SHB: variants seen among roughly 807,000 people sequenced by gnomAD.
The protein encoded by SHB is SH2 domain containing adaptor protein B, also known as SH2 domain-containing adapter protein B.
SHB carries 20 observed loss-of-function variants against 52.3 expected under a neutral mutation model. That is an observed-to-expected ratio of 0.38 (90% CI 0.27 to 0.56). The LOEUF (loss-of-function observed/expected upper bound fraction) is 0.56. Among genes scored for constraint, SHB ranks in the 20% least tolerant of loss-of-function variants. The probability of loss-of-function intolerance (pLI) is 0.71; values close to 1 mark genes in which losing one functional copy is unlikely to be tolerated. For synonymous variants in SHB, 397 were observed against 316.5 expected, an observed-to-expected ratio of 1.25 and a Z score of -2.70; for missense variants, 825 against 723.3, an observed-to-expected ratio of 1.14 and a Z score of -1.61.
intron 2 of SHB, among the ~76,000 whole-genome samples, chr9:37,999,622 G>A (rs1346772586): frequency 6.6e-6 from 1 of 152,126 alleles, no homozygotes; most frequent in Non-Finnish European, 1.5e-5. Flanking sequence ...GTGGAGGTCT[G>A]ACAGAGACTG....
At chr9:37,933,406 T>C (rs940665886) in intron 5 of SHB, among the ~76,000 whole-genome samples, 5 of 152,218 alleles carry the variant, frequency 3.3e-5, no homozygotes, top group African/African-American at 4.8e-5. Context: ...GAGATGCTCA[T>C]ACCACATGGG....
chr9:38,022,318 G>A lies in SHB; in HGVS notation c.718-6187C>T, dbSNP rs180944176. 3.3e-5 allele frequency among the ~76,000 whole-genome samples: 5 copies of A among 152,320 alleles called. No individual in the cohort carries two copies. In the East Asian group the frequency reaches 9.7e-4, roughly 29 times the overall value. On this transcript the variant is annotated intron_variant, in intron 1 of 5. Coordinates refer to ENST00000377707, the MANE Select transcript of SHB (RefSeq NM_003028.3). ...CTCTCTCCTTTACCTTAGCAAGGCA[G>A]CAGGTGCACAGATGCGACGCGTCGA...
chr9:37,923,832 T>C (rs1217238409), intron 5 of SHB, among the ~76,000 whole-genome samples: 2 of 152,136 alleles, frequency 1.3e-5, no homozygotes, highest in Non-Finnish European at 2.9e-5. Flanking sequence ...GAGAGTACAC[T>C]ACCCTGGCCC....
intron 5 of SHB, among the ~76,000 whole-genome samples, chr9:37,932,087 G>T (rs1832317572): frequency 3.3e-5 from 5 of 151,892 alleles, no homozygotes; most frequent in South Asian, 4.2e-4. Flanking sequence ...TTCGAGACCA[G>T]CCTGGTCAAC....
At chr9:37,974,966 T>C (rs1820638170) in intron 2 of SHB, 129 bp from the exon 3 acceptor site, 2 of 801,424 alleles carry the variant, frequency 2.5e-6, no homozygotes, top group Admixed American at 2.4e-5. Flanking sequence ...GACAGACCCC[T>C]GTCTGGGTTT....
Position 37,918,421 on chromosome 9 carries a change from C to CTGTGTG in SHB, c.*1394_*1399dup, listed in dbSNP as rs779864653. ...TGGAAGCAGTGTGGACCACTGAGGG[C>CTGTGTG]TGTGTGTGTGTGTGTGTGTGTGTGT... On this transcript the variant is annotated 3_prime_UTR_variant, in exon 6 of 6. Transcript: ENST00000377707. 9.8e-5 allele frequency among the ~76,000 whole-genome samples: 9 copies of CTGTGTG among 92,100 alleles called. No individual in the cohort carries two copies. The highest frequency in any genetic ancestry group is 1.2e-4 in the Non-Finnish European group (5 of 42,888). The allele number at this position is 92,100 out of a possible 152,430, so 60.4% of individuals were successfully genotyped here.
chr9:38,047,838 G>A (rs931160310), intron 1 of SHB, among the ~76,000 whole-genome samples: 2 of 152,232 alleles, frequency 1.3e-5, no homozygotes, highest in African/African-American at 4.8e-5. Flanking sequence ...TGACTATGCA[G>A]TTCCCGCACA....
At chr9:37,955,404 C>T (rs1194636128) in intron 4 of SHB, among the ~76,000 whole-genome samples, 1 of 152,124 alleles carries the variant, frequency 6.6e-6, no homozygotes, top group Non-Finnish European at 1.5e-5. Context: ...CCTTAACCTG[C>T]CCATGTATAC....
chr9:37,985,371 A>G (rs1820792232), intron 2 of SHB, among the ~76,000 whole-genome samples: 1 of 152,208 alleles, frequency 6.6e-6, no homozygotes, highest in African/African-American at 2.4e-5. Flanking sequence ...ATGACGACCA[A>G]TTGCTTTCAT....
At chr9:37,929,259 A>G (rs1832286169) in intron 5 of SHB, among the ~76,000 whole-genome samples, 1 of 152,246 alleles carries the variant, frequency 6.6e-6, no homozygotes, top group African/African-American at 2.4e-5. Context: ...GCCGCCGAGT[A>G]TGCAGGATGT....
At chr9:37,983,851 C>A (rs914245787) in intron 2 of SHB, among the ~76,000 whole-genome samples, 4 of 152,336 alleles carry the variant, frequency 2.6e-5, no homozygotes, top group Middle Eastern at 3.4e-3. Flanking sequence ...GAATGATGCA[C>A]TTGCCACTTA....
chr9:37,937,193 T>C (rs1832381399), intron 5 of SHB, among the ~76,000 whole-genome samples: 1 of 152,192 alleles, frequency 6.6e-6, no homozygotes, highest in Admixed American at 6.5e-5. Context: ...CTCACCCAGC[T>C]GACAGCCCAG....
chr9:38,029,918 G>GA (rs1821392150), intron 1 of SHB, among the ~76,000 whole-genome samples: 1 of 152,218 alleles, frequency 6.6e-6, no homozygotes, highest in African/African-American at 2.4e-5. Context: ...CCTGCACCTA[G>GA]ATGTACACGT....
chr9:37,930,118 A>G (rs1185337621), intron 5 of SHB, among the ~76,000 whole-genome samples: 1 of 152,128 alleles, frequency 6.6e-6, no homozygotes, highest in Non-Finnish European at 1.5e-5. Context: ...CAAAACAGAA[A>G]ACGAACTAAA....
At chr9:37,968,324 A>T (rs1820553680) in intron 3 of SHB, among the ~76,000 whole-genome samples, 1 of 152,202 alleles carries the variant, frequency 6.6e-6, no homozygotes, top group African/African-American at 2.4e-5. Flanking sequence ...GAGACTGAAC[A>T]GTCTGTCTCA....
intron 2 of SHB, among the ~76,000 whole-genome samples, chr9:37,993,993 C>A (rs896114680): frequency 1.1e-4 from 16 of 152,274 alleles, no homozygotes; most frequent in Non-Finnish European, 2.4e-4. Flanking sequence ...CTGGCCCCAG[C>A]TGCTGCTGGG....
rs1832627761 is a variant in SHB at position 37,956,012 on chromosome 9, G to C, written c.1097C>G (p.Pro366Arg). 6.3e-7 allele frequency: 1 copy of C among 1,585,834 alleles called. No homozygotes were observed. Among genetic ancestry groups the C allele is most frequent in the Non-Finnish European group, 8.6e-7 (1 of 1,166,622 alleles). ...GNEKRQSSPS[P>R]SRDRRRQLRA... ...AAGCTGGCGCCGCCGGTCCCGCGAA[G>C]GTGAGGGGGATGACTGCCGCTTCTC... Residue 366 changes from proline to arginine, a missense_variant, in exon 4 of 6, where the codon CCT becomes CGT. Physicochemically the swap from Pro to Arg is moderately radical, Grantham distance 103. Transcript: ENST00000377707.
intron 5 of SHB, among the ~76,000 whole-genome samples, chr9:37,948,066 C>T (rs72724195): frequency 0.067 from 10,265 of 152,260 alleles, 435 homozygotes; most frequent in South Asian, 0.11. Flanking sequence ...CTGAAAGTTT[C>T]CAAAGCTGCG....
chr9:38,068,470 G>A lies in SHB; in HGVS notation c.176C>T (p.Thr59Ile). ...CGAAGAGGCTGAGAAGCAGGAGGCG[G>A]TGGCCGGACCGCAGGACGCCGAGGC... is the stretch of plus-strand genomic sequence containing the variant. The part of the protein sequence containing the change: ...SAASASCGPA[T>I]ASCFSASSGS... Residue 59 changes from threonine to isoleucine, a missense_variant, in exon 1 of 6, where the codon ACC (threonine) becomes ATC (isoleucine). Physicochemically the swap from Thr to Ile is moderately conservative, Grantham distance 89. Transcript: ENST00000377707. The A allele has an allele frequency of 6.6e-7, 1 of 1,515,052 alleles. No individual in the cohort carries two copies. Among genetic ancestry groups the A allele is most frequent in the Non-Finnish European group, 8.8e-7 (1 of 1,137,054 alleles). 93.9% of individuals were successfully genotyped at this position (1,515,052 alleles called of 1,614,324 possible). A position where few individuals can be genotyped will look rare whatever the true frequency, so the allele number is the denominator to read the frequency against.
Sources: allele counts gnomAD v4.1 joint callset (sites outside exome capture counted in the v4.1 genomes callset), GRCh38; gene constraint gnomAD v4.1.1; transcripts MANE v1.5; gene names NCBI Gene and HGNC (gene_info 2026-07-23, HGNC 2026-07-21).